Variants in DVL3 observed in about 807,000 individuals in gnomAD.
DVL3 encodes the protein segment polarity protein dishevelled homolog DVL-3.
Under a neutral mutation model 67.4 loss-of-function variants are expected in DVL3, and 27 were observed. The ratio of observed to expected loss-of-function variants is 0.40; its 90% CI spans 0.30 to 0.55. The LOEUF (loss-of-function observed/expected upper bound fraction) is 0.55, where lower values mean the gene tolerates loss of function less well. Ranked by LOEUF, DVL3 falls within the 20% of genes least tolerant of loss-of-function variation. The pLI, the probability that DVL3 is intolerant of heterozygous loss-of-function variation, is 0.46. For missense variants in DVL3, 819 were observed against 1,021.5 expected (o/e 0.80, Z 2.70); for synonymous variants, 369 against 396.8 (o/e 0.93, Z 0.83).
chr3:184,164,624 A>G lies in DVL3; in HGVS notation c.463+23A>G. 3 of 1,546,430 alleles carry G rather than the reference A, an allele frequency of 1.9e-6. No individual in the cohort carries two copies. Among genetic ancestry groups the G allele is most frequent in the Non-Finnish European group, 1.7e-6 (2 of 1,144,154 alleles). ...ATGGTATATCTTCCTGAACACGGAC[A>G]CTGTCCGCACCTCACACCCTCCCCT... On this transcript the variant is annotated intron_variant, in intron 4 of 14. Coordinates refer to ENST00000313143, the MANE Select transcript of DVL3 (RefSeq NM_004423.4). This position sits in a 1 kb window ranked among gnomAD's most constrained non-coding sequence, Gnocchi z 5.3.
rs1435170766 is a variant in DVL3, at chr3:184,167,550, C to A, written c.1199-30C>A. On this transcript the variant is annotated intron_variant, in intron 11 of 14. Transcript: ENST00000313143. The surrounding 1 kb of genome is among the most constrained non-coding windows in gnomAD (Gnocchi z 4.6). ...GTTTACCTAACTCCAAAGCCCCTTT[C>A]TGCCTCACCATTCTGCCTCCCACCC... 1.9e-6 allele frequency: 3 copies of A among 1,607,920 alleles called. No individual in the cohort carries two copies. Among genetic ancestry groups the A allele is most frequent in the Non-Finnish European group, 2.5e-6 (3 of 1,177,796 alleles).
At chr3:184,169,285 G>A (rs570993138) in intron 13 of DVL3, among the ~76,000 whole-genome samples, 227 of 152,334 alleles carry the variant, frequency 1.5e-3, no homozygotes, top group African/African-American at 5.3e-3. Flanking sequence ...GGTAGTGTTC[G>A]CTATTGTGCC....
At position 184,166,775 on chromosome 3, in the gene DVL3, GC is replaced by G; in HGVS notation, c.1049-48del. 2 of 1,613,452 alleles carry G rather than the reference GC, an allele frequency of 1.2e-6. No individual in the cohort carries two copies. The highest frequency in any genetic ancestry group is 1.7e-6 in the Non-Finnish European group (2 of 1,179,598). ...AGAACCCCCATATCTATCCTGTTGG[GC>G]CCAGCAGTGGGTGGGGTGGGTAGCC... is the stretch of plus-strand genomic sequence containing the variant. On this transcript the variant is annotated intron_variant, in intron 10 of 14. Coordinates refer to ENST00000313143, the MANE Select transcript of DVL3 (RefSeq NM_004423.4). The surrounding 1 kb of genome is among the most constrained non-coding windows in gnomAD (Gnocchi z 6.7).
chr3:184,160,367 T>C (rs1714339679), intron 1 of DVL3, among the ~76,000 whole-genome samples: 1 of 152,218 alleles, frequency 6.6e-6, no homozygotes, highest in African/African-American at 2.4e-5. Context: ...ATGGACAATA[T>C]AATTAGCTTT....
rs1714806470 is a variant in DVL3 at position 184,170,813 on chromosome 3, T to A, written c.*58T>A. 1 of 1,596,958 alleles carries A rather than the reference T, an allele frequency of 6.3e-7. No homozygotes were observed. The highest frequency in any genetic ancestry group is 1.3e-5 in the African/African-American group (1 of 74,300). On this transcript the variant is annotated 3_prime_UTR_variant, in exon 15 of 15. Coordinates refer to ENST00000313143, the MANE Select transcript of DVL3 (RefSeq NM_004423.4). The surrounding 1 kb of genome is among the most constrained non-coding windows in gnomAD (Gnocchi z 6.5). Reference sequence around the variant, plus strand: ...CACCCCAGCCGGCTGCGTTCCTCTCTCCATCCGTCCGTCTTTTTTACTTTG... The same window carrying A: ...CACCCCAGCCGGCTGCGTTCCTCTCACCATCCGTCCGTCTTTTTTACTTTG...
intron 13 of DVL3, among the ~76,000 whole-genome samples, chr3:184,168,424 G>A (rs1165521306): frequency 2.6e-5 from 4 of 152,192 alleles, no homozygotes; most frequent in Non-Finnish European, 4.4e-5. Flanking sequence ...GGTGTTGTAG[G>A]CTTAAAGGGA....
chr3:184,155,641 C>G lies in DVL3; in HGVS notation c.6C>G (p.Gly2=), dbSNP rs774132103. Residue 2 remains glycine (G), a synonymous_variant, in exon 1 of 15, where the codon GGC becomes GGG. Coordinates refer to ENST00000313143, the MANE Select transcript of DVL3 (RefSeq NM_004423.4). The surrounding 1 kb of genome is among the most constrained non-coding windows in gnomAD (Gnocchi z 5.4). Reference sequence around the variant, plus strand: ...CCGGGCCCGAGGCCAGAGCCATGGGCGAGACCAAGATCATCTACCACTTGG... The same window carrying G: ...CCGGGCCCGAGGCCAGAGCCATGGGGGAGACCAAGATCATCTACCACTTGG... The part of the protein sequence containing the change: M[G]ETKIIYHLDG... The G allele has an allele frequency of 3.8e-6, 6 of 1,580,500 alleles. No homozygotes were observed. The Admixed American group carries it at 1.0e-4, about 28-fold the overall frequency.
At chr3:184,156,579 G>C (rs1714197494) in intron 1 of DVL3, 2 of 414,934 alleles carry the variant, frequency 4.8e-6, no homozygotes, top group South Asian at 3.5e-5. Context: ...TCCCCTCCCT[G>C]GTGGGGTCTT....
chr3:184,155,861 G>A lies in DVL3; in HGVS notation c.161+65G>A. On this transcript the variant is annotated intron_variant, in intron 1 of 14. Coordinates refer to ENST00000313143, the MANE Select transcript of DVL3 (RefSeq NM_004423.4). The surrounding 1 kb of genome is among the most constrained non-coding windows in gnomAD (Gnocchi z 5.4). ...GCTCTGGCTTCTAAGGGATGACGCG[G>A]TCCGTTTCGACTTGCCTCGCTACAC... 2.0e-6 allele frequency: 3 copies of A among 1,529,554 alleles called. No homozygotes were observed. The highest frequency in any genetic ancestry group is 1.4e-5 in the African/African-American group (1 of 72,030). 94.7% of individuals were successfully genotyped at this position (1,529,554 alleles called of 1,614,324 possible). A position where few individuals can be genotyped will look rare whatever the true frequency, so the allele number is the denominator to read the frequency against.
In DVL3 at chr3:184,164,657, C is replaced by T; in HGVS notation, c.463+56C>T. On this transcript the variant is annotated intron_variant, in intron 4 of 14. Transcript: ENST00000313143. The surrounding 1 kb of genome is among the most constrained non-coding windows in gnomAD (Gnocchi z 5.3). ...CACCTCACACCCTCCCCTCACTTTC[C>T]ACCCAGCTACCCACCTTCTTGCCCT... 6.4e-7 allele frequency: 1 copy of T among 1,551,288 alleles called. No individual in the cohort carries two copies. Among genetic ancestry groups the T allele is most frequent in the Non-Finnish European group, 8.7e-7 (1 of 1,143,936 alleles).
rs1714599881 is a variant in DVL3 at position 184,166,647 on chromosome 3, C to T, written c.1022C>T (p.Pro341Leu). 6.2e-7 allele frequency: 1 copy of T among 1,614,170 alleles called. No homozygotes were observed. Among genetic ancestry groups the T allele is most frequent in the Non-Finnish European group, 8.5e-7 (1 of 1,180,018 alleles). ...GTAGCCAAGTGCTGGGACCCAAGTC[C>T]ACGTGGTTGCTTCACATTGCCCAGG... is the stretch of plus-strand genomic sequence containing the variant. The part of the protein sequence containing the change: ...LTVAKCWDPS[P>L]RGCFTLPRSE... Residue 341 changes from proline to leucine, a missense_variant, in exon 10 of 15, where the codon CCA becomes CTA. By Grantham distance (98) the Pro-to-Leu change is moderately conservative. Transcript: ENST00000313143. The surrounding 1 kb of genome is among the most constrained non-coding windows in gnomAD (Gnocchi z 6.7).
intron 1 of DVL3, among the ~76,000 whole-genome samples, chr3:184,160,167 T>G (rs1714333020): frequency 6.6e-6 from 1 of 151,324 alleles, no homozygotes; most frequent in Non-Finnish European, 1.5e-5. Context: ...TTAGCCAGGA[T>G]GGTCTTGATC....
Position 184,171,648 on chromosome 3 carries a change from T to G in DVL3, c.*893T>G. On this transcript the variant is annotated 3_prime_UTR_variant, in exon 15 of 15. Transcript: ENST00000313143. Reference sequence around the variant, plus strand: ...CTCCGAGGAGACCAGGAACCCTGCTTCAGCAGCCCCTCAGGGCTTCCCAAG... The same window carrying G: ...CTCCGAGGAGACCAGGAACCCTGCTGCAGCAGCCCCTCAGGGCTTCCCAAG... The G allele has an allele frequency of 1.0e-6, 1 of 967,044 alleles. No individual in the cohort carries two copies. Among genetic ancestry groups the G allele is most frequent in the Non-Finnish European group, 1.2e-6 (1 of 812,814 alleles). The allele number at this position is 967,044 out of a possible 1,614,324, so 59.9% of individuals were successfully genotyped here.
Position 184,165,977 on chromosome 3 carries a change from A to G in DVL3, c.764-149A>G. 1 of 951,118 alleles carries G rather than the reference A, an allele frequency of 1.1e-6. No homozygotes were observed. Among genetic ancestry groups the G allele is most frequent in the South Asian group, 1.7e-5 (1 of 58,562 alleles). 58.9% of individuals were successfully genotyped at this position (951,118 alleles called of 1,614,324 possible). ...CTACCTTATAGCCAGCAAGGGTTCC[A>G]TGGAAGCATGTTTGAGCATGCTGAG... On this transcript the variant is annotated intron_variant, in intron 7 of 14. Transcript: ENST00000313143. The surrounding 1 kb of genome is among the most constrained non-coding windows in gnomAD (Gnocchi z 4.1).
rs1222285856 is a variant in DVL3 at position 184,164,945 on chromosome 3, T to A, written c.599+14T>A. 2 of 1,613,878 alleles carry A rather than the reference T, an allele frequency of 1.2e-6. No homozygotes were observed. The highest frequency in any genetic ancestry group is 2.7e-5 in the African/African-American group (2 of 74,886). On this transcript the variant is annotated intron_variant, in intron 5 of 14. Coordinates refer to ENST00000313143, the MANE Select transcript of DVL3 (RefSeq NM_004423.4). This position sits in a 1 kb window ranked among gnomAD's most constrained non-coding sequence, Gnocchi z 5.3. ...CTCCACCAGCAGGTGGGGCTTGAGT[T>A]TCATGGGTATTGTGGGGCAGGTGAC... is the stretch of plus-strand genomic sequence containing the variant.
chr3:184,156,560 T>C (rs1316030644), intron 1 of DVL3: 7 of 438,394 alleles, frequency 1.6e-5, no homozygotes, highest in Non-Finnish European at 3.2e-5. Context: ...TTCTTGGTGT[T>C]CTCTATCTTC....
chr3:184,161,770 G>T lies in DVL3; in HGVS notation c.162-1887G>T, dbSNP rs1230200295. ...ATTACCTCTGTTATTATATAGGAAAGAATGTGAAATACAGTGGAAAGAGTA... is the reference window on the plus strand; with the variant it reads ...ATTACCTCTGTTATTATATAGGAAATAATGTGAAATACAGTGGAAAGAGTA... On this transcript the variant is annotated intron_variant, in intron 1 of 14. Transcript: ENST00000313143. Among the ~76,000 whole-genome samples the T allele has an allele frequency of 8.5e-5, 13 of 152,324 alleles. 1 individual carries two copies. The South Asian group carries it at 2.5e-3, about 29-fold the overall frequency.
chr3:184,164,949 T>G lies in DVL3; in HGVS notation c.599+18T>G, dbSNP rs1035344371. On this transcript the variant is annotated intron_variant, in intron 5 of 14. Transcript: ENST00000313143. This position sits in a 1 kb window ranked among gnomAD's most constrained non-coding sequence, Gnocchi z 5.3. Reference sequence around the variant, plus strand: ...ACCAGCAGGTGGGGCTTGAGTTTCATGGGTATTGTGGGGCAGGTGACCCTG... The same window carrying G: ...ACCAGCAGGTGGGGCTTGAGTTTCAGGGGTATTGTGGGGCAGGTGACCCTG... 1 of 1,613,854 alleles carries G rather than the reference T, an allele frequency of 6.2e-7. No individual in the cohort carries two copies. The highest frequency in any genetic ancestry group is 1.3e-5 in the African/African-American group (1 of 74,918).
Position 184,164,592 on chromosome 3 carries a change from C to G in DVL3, c.454C>G (p.Pro152Ala). 6.4e-7 allele frequency: 1 copy of G among 1,556,300 alleles called. No individual in the cohort carries two copies. The highest frequency in any genetic ancestry group is 2.3e-5 in the East Asian group (1 of 44,384). Reference sequence around the variant, plus strand: ...AGAGCGGCCACGCCGGAGGGATGGCCCAGAGCATGGTATATCTTCCTGAAC... The same window carrying G: ...AGAGCGGCCACGCCGGAGGGATGGCGCAGAGCATGGTATATCTTCCTGAAC... ...QRERPRRRDG[P>A]EHATRLNGTA... Residue 152 changes from proline (P) to alanine (A), a missense_variant, in exon 4 of 15, where the codon CCA (proline) becomes GCA (alanine). Coordinates refer to ENST00000313143, the MANE Select transcript of DVL3 (RefSeq NM_004423.4). This position sits in a 1 kb window ranked among gnomAD's most constrained non-coding sequence, Gnocchi z 5.3.
Sources: allele counts gnomAD v4.1 joint callset (sites outside exome capture counted in the v4.1 genomes callset), GRCh38; gene constraint gnomAD v4.1.1; non-coding constraint Gnocchi (gnomAD v3.1); transcripts MANE v1.5; gene names NCBI Gene and HGNC (gene_info 2026-07-23, HGNC 2026-07-21).